Variants in PLAAT2 observed in about 807,000 individuals in gnomAD.
PLAAT2 encodes phospholipase A and acyltransferase 2, also known as HRAS like suppressor 2.
A neutral mutation model predicts 12.8 loss-of-function variants in PLAAT2; 12 were observed. The observed-to-expected ratio is 0.94, with a 90% CI of 0.60 to 1.52. PLAAT2 has a LOEUF of 1.52. Among genes scored for constraint, PLAAT2 ranks in the 40% most tolerant of loss-of-function variants. PLAAT2 has a pLI of 0.00. For missense variants in PLAAT2, 166 were observed against 208.1 expected, an observed-to-expected ratio of 0.80 and a Z score of 1.24; for synonymous variants, 79 against 86.8, an observed-to-expected ratio of 0.91 and a Z score of 0.50.
chr11:63,562,167 G>A (rs1303552097), intron 1 of PLAAT2, among the ~76,000 whole-genome samples: 2 of 152,244 alleles, frequency 1.3e-5, no homozygotes, highest in Admixed American at 1.3e-4. Context: ...GCACCAGGTT[G>A]TACAGAGGGG....
chr11:63,564,931 G>A (rs2017549907), upstream of PLAAT2, among the ~76,000 whole-genome samples: 1 of 152,178 alleles, frequency 6.6e-6, no homozygotes, highest in Non-Finnish European at 1.5e-5. Context: ...GACCATGCAG[G>A]GCGGAGTTGG....
At position 63,560,179 on chromosome 11, in the gene PLAAT2, C is replaced by G. The variant is rs140325550; in HGVS notation, c.24G>C (p.Pro8=). ...AAATCTCAATCAGGTCTCCAAGTCT[C>G]GGTCTTGGTCTGGCCTGCAACAGAA... The part of the protein sequence containing the change: MALARPR[P]RLGDLIEISR... Residue 8 remains proline, a synonymous_variant, in exon 2 of 4, where the codon CCG becomes CCC. Transcript: ENST00000255695. 6.2e-7 allele frequency: 1 copy of G among 1,613,190 alleles called. No individual in the cohort carries two copies. Among genetic ancestry groups the G allele is most frequent in the Non-Finnish European group, 8.5e-7 (1 of 1,179,544 alleles).
chr11:63,564,703 A>G (rs1355074067), upstream of PLAAT2, among the ~76,000 whole-genome samples: 1 of 152,138 alleles, frequency 6.6e-6, no homozygotes, highest in Non-Finnish European at 1.5e-5. Context: ...TGGCTTGGCT[A>G]ATTATCTCCT....
chr11:63,563,715 CAA>C (rs35852892), upstream of PLAAT2, among the ~76,000 whole-genome samples: 20 of 56,112 alleles, frequency 3.6e-4, no homozygotes, highest in African/African-American at 9.8e-4. Context: ...GAGACTCAGT[CAA>C]AAAAAAAAAA....
intron 3 of PLAAT2, among the ~76,000 whole-genome samples, chr11:63,555,703 C>G (rs1334429277): frequency 6.6e-6 from 1 of 152,164 alleles, no homozygotes; most frequent in Non-Finnish European, 1.5e-5. Context: ...GAGATGCTGT[C>G]TCGAAAATAA....
At chr11:63,565,039 G>A (rs1023115763), upstream of PLAAT2, among the ~76,000 whole-genome samples, 29 of 152,208 alleles carry the variant, frequency 1.9e-4, no homozygotes, top group African/African-American at 6.7e-4. Flanking sequence ...CTATAGGAAA[G>A]GAGAGTCTGC....
At chr11:63,558,333 C>G in intron 3 of PLAAT2, 59 bp downstream of exon 3, 1 of 1,589,912 alleles carries the variant, frequency 6.3e-7, no homozygotes, top group Non-Finnish European at 8.6e-7. Context: ...GGGACCCAGC[C>G]TCTGGCAGCT....
At chr11:63,562,541 C>T (rs61458106) in intron 1 of PLAAT2, among the ~76,000 whole-genome samples, 2,911 of 152,218 alleles carry the variant, frequency 0.019, 98 homozygotes, top group African/African-American at 0.066. Flanking sequence ...TTTTTTAAGT[C>T]GAAGCTTTAG....
intron 1 of PLAAT2, among the ~76,000 whole-genome samples, chr11:63,561,730 C>T (rs1468173569): frequency 6.9e-6 from 1 of 144,940 alleles, no homozygotes; most frequent in African/African-American, 2.5e-5. Context: ...AAATCTCAGA[C>T]ATCACCACTA....
At chr11:63,560,452 C>A (rs1372567060) in intron 1 of PLAAT2, among the ~76,000 whole-genome samples, 1 of 152,212 alleles carries the variant, frequency 6.6e-6, no homozygotes, top group Non-Finnish European at 1.5e-5. Context: ...GCATGTGCAG[C>A]ACAGGAGTGT....
At chr11:63,563,489 C>T (rs1360199508), upstream of PLAAT2, 18 of 710,934 alleles carry the variant, frequency 2.5e-5, no homozygotes, top group Admixed American at 9.5e-5. Context: ...GAGGCTGAGG[C>T]GGGAGGATCA....
rs756981947 is a variant in PLAAT2 at position 63,558,693 on chromosome 11, G to T, written c.119-33C>A. Reference sequence around the variant, plus strand: ...AACAGTGAGTTCAGTCCTGGGCAGGGCCTGGGGGGCTCAGAGCTGGAAGCC... The same window carrying T: ...AACAGTGAGTTCAGTCCTGGGCAGGTCCTGGGGGGCTCAGAGCTGGAAGCC... On this transcript the variant is annotated intron_variant, in intron 2 of 3. Coordinates refer to ENST00000255695, the MANE Select transcript of PLAAT2 (RefSeq NM_017878.2). 7.5e-6 allele frequency: 12 copies of T among 1,607,920 alleles called. No homozygotes were observed. In the South Asian group the frequency reaches 1.3e-4, roughly 18 times the overall value.
intron 3 of PLAAT2, among the ~76,000 whole-genome samples, chr11:63,556,591 C>T (rs2017468878): frequency 6.6e-6 from 1 of 152,160 alleles, no homozygotes; most frequent in African/African-American, 2.4e-5. Flanking sequence ...CACCGTGCCC[C>T]AGTGCCCAGC....
chr11:63,554,247 A>AT (rs2017445403), intron 3 of PLAAT2, among the ~76,000 whole-genome samples: 1 of 151,796 alleles, frequency 6.6e-6, no homozygotes, highest in South Asian at 2.1e-4. Context: ...CAGGCCCAGT[A>AT]TTTTTTTTAA....
chr11:63,555,783 C>T (rs1044634857), intron 3 of PLAAT2, among the ~76,000 whole-genome samples: 3 of 152,248 alleles, frequency 2.0e-5, no homozygotes, highest in African/African-American at 7.2e-5. Flanking sequence ...GGGACTTCAG[C>T]ATCCATGGAT....
intron 3 of PLAAT2, among the ~76,000 whole-genome samples, chr11:63,554,470 TAAA>T (rs199986877): frequency 6.6e-6 from 1 of 151,260 alleles, no homozygotes. Flanking sequence ...CCGTCTCCAC[TAAA>T]AAAAATTAGC....
chr11:63,561,182 G>A (rs1007553745), intron 1 of PLAAT2, among the ~76,000 whole-genome samples: 2 of 152,202 alleles, frequency 1.3e-5, no homozygotes, highest in Non-Finnish European at 2.9e-5. Context: ...AATTTGGATG[G>A]AATTGGAGAT....
chr11:63,556,925 C>A (rs2017471727), intron 3 of PLAAT2, among the ~76,000 whole-genome samples: 1 of 152,182 alleles, frequency 6.6e-6, no homozygotes, highest in Non-Finnish European at 1.5e-5. Flanking sequence ...AGATGGTTAT[C>A]ATGAAACTGT....
chr11:63,562,808 A>T (rs774775123), intron 1 of PLAAT2, among the ~76,000 whole-genome samples: 1 of 152,198 alleles, frequency 6.6e-6, no homozygotes, highest in Non-Finnish European at 1.5e-5. Flanking sequence ...GGAGGGAAGG[A>T]GGGAAAGTAG....
Sources: allele counts gnomAD v4.1 joint callset (sites outside exome capture counted in the v4.1 genomes callset), GRCh38; gene constraint gnomAD v4.1.1; transcripts MANE v1.5; gene names NCBI Gene and HGNC (gene_info 2026-07-23, HGNC 2026-07-21).